FNDC5: variants seen among roughly 807,000 people sequenced by gnomAD.
FNDC5 encodes the protein fibronectin type III domain containing 5.
A neutral mutation model predicts 24.6 loss-of-function variants in FNDC5; 10 were observed. The ratio of observed to expected loss-of-function variants is 0.41; its 90% CI spans 0.25 to 0.69. FNDC5 has a LOEUF of 0.69. Ranked by LOEUF, FNDC5 falls within the 30% of genes least tolerant of loss-of-function variation. The pLI is 0.34. For missense variants in FNDC5, 226 were observed against 282.9 expected (o/e 0.80, Z 1.44); for synonymous variants, 90 against 110.7 (o/e 0.81, Z 1.18).
rs1369036144 is a variant in FNDC5, at chr1:32,864,587, T to C, written c.633+77A>G. ...GCTGTCGCCATGCCAGTCCCCGAGC[T>C]GACCCCCTCTGCAGTCCAGGGATTA... is the stretch of plus-strand genomic sequence containing the variant. On this transcript the variant is annotated intron_variant, in intron 5 of 5. Transcript: ENST00000373471. 11 of 1,602,548 alleles carry C rather than the reference T, an allele frequency of 6.9e-6. No individual in the cohort carries two copies. The Admixed American group carries it at 1.2e-4, about 17-fold the overall frequency.
intron 4 of FNDC5, among the ~76,000 whole-genome samples, chr1:32,866,682 T>C (rs1232465189): frequency 6.6e-6 from 1 of 151,912 alleles, no homozygotes; most frequent in Non-Finnish European, 1.5e-5. Flanking sequence ...CACTGGATTA[T>C]AGTTTAAGTT....
intron 3 of FNDC5, 144 bp from the exon 4 acceptor site, chr1:32,867,986 G>T (rs1641105457): frequency 2.0e-6 from 2 of 1,025,052 alleles, no homozygotes; most frequent in Admixed American, 2.1e-5. Flanking sequence ...GCTACTTGGG[G>T]TGGCAGTGAT....
intron 4 of FNDC5, 120 bp from the exon 5 acceptor site, chr1:32,864,917 C>A: frequency 2.1e-6 from 3 of 1,411,050 alleles, no homozygotes; most frequent in Non-Finnish European, 2.9e-6. Flanking sequence ...ACTACTGCAG[C>A]ACCCTCCCTC....
upstream of FNDC5, among the ~76,000 whole-genome samples, chr1:32,872,159 T>C (rs1388752246): frequency 6.6e-6 from 1 of 152,156 alleles, no homozygotes; most frequent in African/African-American, 2.4e-5. Flanking sequence ...TTGGTGCAGA[T>C]TCACACAGTG....
rs1262419718 is a variant in FNDC5, at chr1:32,862,596, C to A, written c.*1698G>T. The A allele has an allele frequency of 6.6e-6, 1 of 152,642 alleles. No individual in the cohort carries two copies. Among genetic ancestry groups the A allele is most frequent in the South Asian group, 2.1e-4 (1 of 4,826 alleles). 9.5% of individuals were successfully genotyped at this position (152,642 alleles called of 1,614,324 possible). A position where few individuals can be genotyped will look rare whatever the true frequency, so the allele number is the denominator to read the frequency against. On this transcript the variant is annotated 3_prime_UTR_variant, in exon 6 of 6. Transcript: ENST00000373471. ...GGCTTCTGGCTCTCTGGCTTGGGGACCAATGCTCTTATCATTCATTTCAAC... is the reference window on the plus strand; with the variant it reads ...GGCTTCTGGCTCTCTGGCTTGGGGAACAATGCTCTTATCATTCATTTCAAC...
chr1:32,867,474 G>A (rs1232669097), intron 4 of FNDC5, among the ~76,000 whole-genome samples: 2 of 152,196 alleles, frequency 1.3e-5, no homozygotes, highest in African/African-American at 2.4e-5. Flanking sequence ...CTGTGGAAGT[G>A]TCCAGCCCCA....
Position 32,870,713 on chromosome 1 carries a change from G to C in FNDC5, c.34C>G (p.Arg12Gly). The C allele has an allele frequency of 4.2e-6, 5 of 1,186,592 alleles. No homozygotes were observed. Among genetic ancestry groups the C allele is most frequent in the Non-Finnish European group, 5.2e-6 (5 of 959,286 alleles). 73.5% of individuals were successfully genotyped at this position (1,186,592 alleles called of 1,614,324 possible). Reference sequence around the variant, plus strand: ...CACAGGCGGAGCGCGGCGCGGGCGCGGGGCGGCCAGGCGCTCGGCGACCCG... The same window carrying C: ...CACAGGCGGAGCGCGGCGCGGGCGCCGGGCGGCCAGGCGCTCGGCGACCCG... Residue 12 changes from arginine to glycine, a missense_variant, in exon 1 of 6, where the codon CGC (arginine) becomes GGC (glycine). Transcript: ENST00000373471.
rs1641035925 is a variant in FNDC5 at position 32,864,674 on chromosome 1, A to G, written c.623T>C (p.Leu208Pro). ...AGGTCTTGCCCTCACCTTGCTGCGG[A>G]GAAGCCCCCCGCCCTGGTGCTCTGG... Residue 208 changes from leucine to proline, a missense_variant, in exon 5 of 6, where the codon CTC becomes CCC. Leu to Pro is a moderately conservative substitution (Grantham distance 98, BLOSUM62 -3). Transcript: ENST00000373471. 1 of 1,613,954 alleles carries G rather than the reference A, an allele frequency of 6.2e-7. No individual in the cohort carries two copies. The highest frequency in any genetic ancestry group is 1.1e-5 in the South Asian group (1 of 91,076).
At chr1:32,865,046 C>G (rs1385364639) in intron 4 of FNDC5, among the ~76,000 whole-genome samples, 1 of 152,102 alleles carries the variant, frequency 6.6e-6, no homozygotes, top group East Asian at 1.9e-4. Context: ...CTTTAAACCT[C>G]TGACAGTGGC....
chr1:32,868,813 A>AT lies in FNDC5; in HGVS notation c.210+68_210+69insA. ...CTATTTCTCCATCACCACCACTGCC[A>AT]CACTCCTACCCCCATCTGCCACTAC... On this transcript the variant is annotated intron_variant, in intron 2 of 5. Coordinates refer to ENST00000373471, the MANE Select transcript of FNDC5 (RefSeq NM_153756.3). The surrounding 1 kb of genome is among the most constrained non-coding windows in gnomAD (Gnocchi z 4.8). The AT allele has an allele frequency of 1.9e-6, 2 of 1,063,996 alleles. No homozygotes were observed. 65.9% of individuals were successfully genotyped at this position (1,063,996 alleles called of 1,614,324 possible).
chr1:32,867,784 C>T lies in FNDC5; in HGVS notation c.468G>A (p.Leu156=), dbSNP rs766452920. 6 of 1,614,094 alleles carry T rather than the reference C, an allele frequency of 3.7e-6. No homozygotes were observed. In the South Asian group the frequency reaches 5.5e-5, roughly 15 times the overall value. Reference sequence around the variant, plus strand: ...ACATGAACAGGACCACGACGATGATCAGCACCTCGCCTGTCCGCAGCTGTT... The same window carrying T: ...ACATGAACAGGACCACGACGATGATTAGCACCTCGCCTGTCCGCAGCTGTT... Residue 156 remains leucine (L), a synonymous_variant, in exon 4 of 6, where the codon CTG becomes CTA. Transcript: ENST00000373471.
intron 3 of FNDC5, 40 bp from the exon 4 acceptor site, chr1:32,867,882 C>T: frequency 2.5e-6 from 4 of 1,593,930 alleles, no homozygotes; most frequent in Non-Finnish European, 3.4e-6. Flanking sequence ...CTCCTTTCCT[C>T]CCTCAGCCAC....
In FNDC5 at chr1:32,862,849, G is replaced by A. The variant is rs1404185715; in HGVS notation, c.*1445C>T. 2 of 152,590 alleles carry A rather than the reference G, an allele frequency of 1.3e-5. No individual in the cohort carries two copies. Among genetic ancestry groups the A allele is most frequent in the East Asian group, 3.8e-4 (2 of 5,196 alleles). The allele number at this position is 152,590 out of a possible 1,614,324, so 9.5% of individuals were successfully genotyped here. On this transcript the variant is annotated 3_prime_UTR_variant, in exon 6 of 6. Transcript: ENST00000373471. ...CACCTCACACCACTCAGGCTCTAAG[G>A]AAGGACATGAGGACCCTGGGTAACT...
chr1:32,867,015 A>G lies in FNDC5; in HGVS notation c.499+738T>C, dbSNP rs116555236. ...TAAGGCATGAGGATCACTTGAGCCC[A>G]GGAGGTCAAGGCTGCAGTGAGCTAT... On this transcript the variant is annotated intron_variant, in intron 4 of 5. Transcript: ENST00000373471. Among the ~76,000 whole-genome samples the G allele has an allele frequency of 6.4e-3, 980 of 152,304 alleles. 7 individuals are homozygous for G. The highest frequency in any genetic ancestry group is 0.01 in the Middle Eastern group (3 of 294).
rs374096384 is a variant in FNDC5, at chr1:32,863,241, C to G, written c.*1053G>C. On this transcript the variant is annotated 3_prime_UTR_variant, in exon 6 of 6. Transcript: ENST00000373471. ...TCTGATTTTTGTTTTCCAAAAGAGA[C>G]AAACCAGGTAACATCTTACACGCTT... 3.1e-4 allele frequency: 49 copies of G among 155,976 alleles called. 1 individual carries two copies. In the South Asian group the frequency reaches 8.2e-3, roughly 26 times the overall value. The allele number at this position is 155,976 out of a possible 1,614,324, so 9.7% of individuals were successfully genotyped here. A position where few individuals can be genotyped will look rare whatever the true frequency, so the allele number is the denominator to read the frequency against.
At chr1:32,864,455 T>C (rs376693329) in intron 5 of FNDC5, 156 bp from the exon 6 acceptor site, 24 of 1,473,720 alleles carry the variant, frequency 1.6e-5, no homozygotes, top group Non-Finnish European at 2.2e-5. Context: ...TTTTTTTTTT[T>C]CTTCAAATCA....
upstream of FNDC5, among the ~76,000 whole-genome samples, chr1:32,871,909 A>AG (rs1342494715): frequency 6.6e-6 from 1 of 152,206 alleles, no homozygotes; most frequent in Non-Finnish European, 1.5e-5. Context: ...GGCATGGACC[A>AG]GGGCTCAGGG....
chr1:32,865,318 C>T (rs1356853381), intron 4 of FNDC5, among the ~76,000 whole-genome samples: 1 of 151,036 alleles, frequency 6.6e-6, no homozygotes, highest in Admixed American at 6.6e-5. Context: ...AGGCTGGTCT[C>T]GAACTCCCGA....
At chr1:32,867,691 G>A (rs1419790198) in intron 4 of FNDC5, 62 bp downstream of exon 4, 27 of 1,514,412 alleles carry the variant, frequency 1.8e-5, no homozygotes, top group Non-Finnish European at 3.7e-6. Context: ...AGAAGGGGCT[G>A]GTCAGAGTCC....
Sources: allele counts gnomAD v4.1 joint callset (sites outside exome capture counted in the v4.1 genomes callset), GRCh38; gene constraint gnomAD v4.1.1; non-coding constraint Gnocchi (gnomAD v3.1); transcripts MANE v1.5; gene names NCBI Gene and HGNC (gene_info 2026-07-23, HGNC 2026-07-21).